The following ANXA8 variants were observed in gnomAD, a reference collection of about 807,000 sequenced individuals.
ANXA8 encodes annexin A8.
ANXA8 carries 9 observed loss-of-function variants against 26.8 expected under a neutral mutation model. The ratio of observed to expected loss-of-function variants is 0.34; its 90% CI spans 0.20 to 0.59. The LOEUF is 0.59. Among genes scored for constraint, ANXA8 ranks in the 20% least tolerant of loss-of-function variants. ANXA8 has a pLI of 0.84. For synonymous variants in ANXA8, 39 were observed against 94.8 expected, an observed-to-expected ratio of 0.41 and a Z score of 3.42; for missense variants, 83 against 238.5, an observed-to-expected ratio of 0.35 and a Z score of 4.29.
the ANXA8 span, among the ~76,000 whole-genome samples, chr10:47,676,117 GA>G: frequency 2.0e-5 from 3 of 151,582 alleles, no homozygotes; most frequent in Non-Finnish European, 4.4e-5. Flanking sequence ...CAGTGAATAT[GA>G]AGACAGATTG....
the ANXA8 span, among the ~76,000 whole-genome samples, chr10:47,633,616 A>G: frequency 8.8e-6 from 1 of 113,792 alleles, no homozygotes; most frequent in Middle Eastern, 3.9e-3. Flanking sequence ...CTGTCCTAAT[A>G]CTTATATAAT....
the ANXA8 span, among the ~76,000 whole-genome samples, chr10:47,947,527 G>A: frequency 6.7e-6 from 1 of 150,304 alleles, no homozygotes; most frequent in South Asian, 2.1e-4. Flanking sequence ...GTGGTCTTTA[G>A]TGTTGGAGGA....
the ANXA8 span, among the ~76,000 whole-genome samples, chr10:47,549,143 ATAT>A: frequency 7.3e-6 from 1 of 136,928 alleles, no homozygotes; most frequent in Admixed American, 7.3e-5. Flanking sequence ...TTTATTACTA[ATAT>A]TATTATCATC....
the ANXA8 span, among the ~76,000 whole-genome samples, chr10:47,490,643 C>T: frequency 2.1e-5 from 3 of 141,788 alleles, no homozygotes; most frequent in African/African-American, 2.6e-5. Context: ...TTTCTCCCAA[C>T]GCTGAGCTTT....
At chr10:47,669,869 A>G in the ANXA8 span, among the ~76,000 whole-genome samples, 4 of 152,006 alleles carry the variant, frequency 2.6e-5, no homozygotes, top group Admixed American at 1.3e-4. Flanking sequence ...TTGTGGTAAA[A>G]TATACATAAA....
At chr10:47,952,644 T>C in the ANXA8 span, among the ~76,000 whole-genome samples, 1 of 146,612 alleles carries the variant, frequency 6.8e-6, no homozygotes, top group African/African-American at 2.7e-5. Flanking sequence ...GACAAAGCGA[T>C]TCCAAAATCT....
At chr10:47,985,737 A>C in the ANXA8 span, 1 of 15,192 alleles carries the variant, frequency 6.6e-5, no homozygotes, top group Non-Finnish European at 1.5e-4. Flanking sequence ...AGCAACTATT[A>C]AAAAAAAAAA....
At chr10:47,559,370 T>C in the ANXA8 span, among the ~76,000 whole-genome samples, 1 of 151,580 alleles carries the variant, frequency 6.6e-6, no homozygotes, top group African/African-American at 2.4e-5. Flanking sequence ...TCAAGTGATC[T>C]GCCCAGCTCG....
chr10:47,603,342 C>T, the ANXA8 span, among the ~76,000 whole-genome samples: 1 of 149,480 alleles, frequency 6.7e-6, no homozygotes, highest in African/African-American at 2.6e-5. Context: ...CAGAGAATTC[C>T]ATGAAAATAG....
chr10:47,565,573 G>C, the ANXA8 span: 7 of 292,204 alleles, frequency 2.4e-5, no homozygotes, highest in East Asian at 4.8e-4. Context: ...CGCCCTGCCC[G>C]GACGCCGCGC....
chr10:47,645,236 G>C, the ANXA8 span, among the ~76,000 whole-genome samples: 6 of 147,794 alleles, frequency 4.1e-5, no homozygotes. Flanking sequence ...CTGAGCTTAT[G>C]AAAGCCCACT....
At chr10:47,556,508 G>T in the ANXA8 span, among the ~76,000 whole-genome samples, 1 of 151,852 alleles carries the variant, frequency 6.6e-6, no homozygotes, top group East Asian at 1.9e-4. Context: ...CAGAATAAAA[G>T]AATCTACCAA....
the ANXA8 span, among the ~76,000 whole-genome samples, chr10:47,552,916 C>A: frequency 6.6e-6 from 1 of 151,812 alleles, no homozygotes; most frequent in Non-Finnish European, 1.5e-5. Context: ...GCAATAAGGG[C>A]TACATTGCAA....
chr10:47,755,199 C>A, the ANXA8 span, among the ~76,000 whole-genome samples: 2 of 151,614 alleles, frequency 1.3e-5, 1 homozygote, highest in African/African-American at 4.9e-5. Flanking sequence ...TCGTAATCCA[C>A]CCCTCTCGGT....
At chr10:47,522,029 C>T in the ANXA8 span, among the ~76,000 whole-genome samples, 4 of 150,610 alleles carry the variant, frequency 2.7e-5, no homozygotes, top group South Asian at 2.1e-4. Context: ...TCAGGTGATC[C>T]GCCTGCCACA....
chr10:47,501,131 T>C, the ANXA8 span, among the ~76,000 whole-genome samples: 1 of 142,820 alleles, frequency 7.0e-6, no homozygotes, highest in African/African-American at 2.6e-5. Flanking sequence ...CTTGATCTCC[T>C]GACCTCATGA....
the ANXA8 span, among the ~76,000 whole-genome samples, chr10:47,657,429 G>A: frequency 6.6e-6 from 1 of 151,810 alleles, no homozygotes; most frequent in Non-Finnish European, 1.5e-5. Context: ...CAGCTGTGTA[G>A]TGCTGTGGAA....
At chr10:47,733,363 T>C in the ANXA8 span, among the ~76,000 whole-genome samples, 1 of 135,892 alleles carries the variant, frequency 7.4e-6, no homozygotes, top group Non-Finnish European at 1.6e-5. Flanking sequence ...TTTACGCTGT[T>C]ATTGCAAAAG....
At chr10:47,503,217 G>A in the ANXA8 span, 16 of 1,589,770 alleles carry the variant, frequency 1.0e-5, no homozygotes, top group Admixed American at 6.9e-5. Flanking sequence ...ACAGGGTGAC[G>A]TATTTCTTTT....
Sources: allele counts gnomAD v4.1 joint callset (sites outside exome capture counted in the v4.1 genomes callset), GRCh38; gene constraint gnomAD v4.1.1; transcripts MANE v1.5; gene names NCBI Gene and HGNC (gene_info 2026-07-23, HGNC 2026-07-21).